ZMIZ1: variants seen among roughly 807,000 people sequenced by gnomAD.
ZMIZ1 encodes zinc finger MIZ-type containing 1.
Under a neutral mutation model 113.9 loss-of-function variants are expected in ZMIZ1, and 17 were observed. That is an observed-to-expected ratio of 0.15 (90% CI 0.10 to 0.22). ZMIZ1 has a LOEUF of 0.22. Among genes scored for constraint, ZMIZ1 ranks in the 10% least tolerant of loss-of-function variants. The pLI, the probability that ZMIZ1 is intolerant of heterozygous loss-of-function variation, is 1.00. For missense variants in ZMIZ1, 1,059 were observed against 1,477.8 expected (o/e 0.72, Z 4.65); for synonymous variants, 607 against 603.1 (o/e 1.01, Z -0.09).
chr10:79,268,572 G>C (rs1851741272), intron 7 of ZMIZ1, among the ~76,000 whole-genome samples: 1 of 152,244 alleles, frequency 6.6e-6, no homozygotes, highest in African/African-American at 2.4e-5. Context: ...TGGCTGCATA[G>C]CATGTGCTAA....
intron 19 of ZMIZ1, 40 bp from the exon 20 acceptor site, chr10:79,305,124 A>T: frequency 6.2e-7 from 1 of 1,612,714 alleles, no homozygotes; most frequent in Non-Finnish European, 8.5e-7. Flanking sequence ...GCAGTTTCTG[A>T]CAGTCCTGGT....
chr10:79,100,043 C>T (rs1369933166), intron 1 of ZMIZ1, among the ~76,000 whole-genome samples: 1 of 152,106 alleles, frequency 6.6e-6, no homozygotes, highest in African/African-American at 2.4e-5. Context: ...CCCTGATGCT[C>T]AGAGCACATC....
chr10:79,173,104 G>A (rs1478550868), intron 4 of ZMIZ1, among the ~76,000 whole-genome samples: 1 of 152,124 alleles, frequency 6.6e-6, no homozygotes, highest in African/African-American at 2.4e-5. Flanking sequence ...CTGGGGCCTG[G>A]GCTGCTCAGG....
chr10:79,167,685 C>T lies in ZMIZ1; in HGVS notation c.-50+5552C>T, dbSNP rs533204800. 8.1e-4 allele frequency among the ~76,000 whole-genome samples: 124 copies of T among 152,318 alleles called. 1 individual carries two copies. The highest frequency in any genetic ancestry group is 1.5e-4 in the Non-Finnish European group (10 of 68,024). ...CCTGTACTTCATGCCGAAACAGCCCCAGACCAAGCAGCTGTCACAGGCTGG... is the reference window on the plus strand; with the variant it reads ...CCTGTACTTCATGCCGAAACAGCCCTAGACCAAGCAGCTGTCACAGGCTGG... On this transcript the variant is annotated intron_variant, in intron 4 of 24. Coordinates refer to ENST00000334512, the MANE Select transcript of ZMIZ1 (RefSeq NM_020338.4).
chr10:79,168,552 C>G (rs1002129002), intron 4 of ZMIZ1, among the ~76,000 whole-genome samples: 3 of 152,218 alleles, frequency 2.0e-5, no homozygotes, highest in African/African-American at 7.2e-5. Context: ...AGGCACCCAG[C>G]TTGTGCACCC....
At chr10:79,182,407 G>A (rs1194532606) in intron 4 of ZMIZ1, among the ~76,000 whole-genome samples, 1 of 152,160 alleles carries the variant, frequency 6.6e-6, no homozygotes, top group African/African-American at 2.4e-5. Flanking sequence ...ACCCCCGAGA[G>A]GGCCTGCTTC....
At chr10:79,286,602 C>G (rs1328741085) in intron 8 of ZMIZ1, among the ~76,000 whole-genome samples, 1 of 152,266 alleles carries the variant, frequency 6.6e-6, no homozygotes, top group Non-Finnish European at 1.5e-5. Context: ...CATATGCCTG[C>G]GTGCATCTTT....
rs192166584 is a variant in ZMIZ1, at chr10:79,119,894, G to A, written c.-227+870G>A. Among the ~76,000 whole-genome samples the A allele has an allele frequency of 3.5e-3, 518 of 147,574 alleles. 1 individual carries two copies. The highest frequency in any genetic ancestry group is 7.5e-3 in the Admixed American group (112 of 14,898). ...CCCTCAAGTTCGTTTTCCTAAGCTT[G>A]TATTAAACACTTACTGTGTGCCAAC... On this transcript the variant is annotated intron_variant, in intron 2 of 24. Transcript: ENST00000334512.
chr10:79,228,117 T>A lies in ZMIZ1; in HGVS notation c.280+11843T>A, dbSNP rs139575424. 1.5e-4 allele frequency among the ~76,000 whole-genome samples: 23 copies of A among 152,322 alleles called. No individual in the cohort carries two copies. In the East Asian group the frequency reaches 2.9e-3, roughly 19 times the overall value. ...TCCCAGCAGCCCAGCTCAAAATTAT[T>A]CAAAGATTGGTAGGAGGAAGAGAAA... On this transcript the variant is annotated intron_variant, in intron 7 of 24. Coordinates refer to ENST00000334512, the MANE Select transcript of ZMIZ1 (RefSeq NM_020338.4).
chr10:79,148,346 C>G (rs1845576717), intron 3 of ZMIZ1, among the ~76,000 whole-genome samples: 1 of 152,216 alleles, frequency 6.6e-6, no homozygotes, highest in Non-Finnish European at 1.5e-5. Flanking sequence ...ACAGGCTCCC[C>G]TGGGTTCTGA....
intron 7 of ZMIZ1, among the ~76,000 whole-genome samples, chr10:79,254,950 A>G (rs1850786922): frequency 6.6e-6 from 1 of 152,216 alleles, no homozygotes; most frequent in Admixed American, 6.5e-5. Context: ...TTGCAGCCTC[A>G]AGGTCTCCCT....
At chr10:79,099,670 G>T (rs1376249051) in intron 1 of ZMIZ1, among the ~76,000 whole-genome samples, 2 of 152,174 alleles carry the variant, frequency 1.3e-5, no homozygotes, top group Non-Finnish European at 2.9e-5. Context: ...GCACTTGTTG[G>T]GTGGTGGAGG....
At chr10:79,181,879 G>T (rs952195678) in intron 4 of ZMIZ1, among the ~76,000 whole-genome samples, 2 of 152,174 alleles carry the variant, frequency 1.3e-5, no homozygotes, top group African/African-American at 4.8e-5. Flanking sequence ...CACAGCCACC[G>T]CCCGGCTCCC....
intron 1 of ZMIZ1, among the ~76,000 whole-genome samples, chr10:79,076,691 C>T (rs764883887): frequency 7.9e-5 from 12 of 152,064 alleles, no homozygotes; most frequent in Non-Finnish European, 1.8e-4. Context: ...AAAATTATCT[C>T]GGCATGATGG....
At chr10:79,301,895 A>T in intron 17 of ZMIZ1, among the ~76,000 whole-genome samples, 1 of 152,118 alleles carries the variant, frequency 6.6e-6, no homozygotes, top group East Asian at 1.9e-4. Context: ...TTATCCAGGG[A>T]GTATTTCAGT....
Position 79,314,165 on chromosome 10 carries a change from G to A in ZMIZ1, c.*1416G>A, listed in dbSNP as rs1193683105. On this transcript the variant is annotated 3_prime_UTR_variant, in exon 25 of 25. Coordinates refer to ENST00000334512, the MANE Select transcript of ZMIZ1 (RefSeq NM_020338.4). Reference sequence around the variant, plus strand: ...TCCCTCCACCGCTTTGCTCCATCTGGCTTACCACTCTCCAGGGCCTCCTGG... The same window carrying A: ...TCCCTCCACCGCTTTGCTCCATCTGACTTACCACTCTCCAGGGCCTCCTGG... 3 of 457,022 alleles carry A rather than the reference G, an allele frequency of 6.6e-6. No homozygotes were observed. The highest frequency in any genetic ancestry group is 4.7e-5 in the Admixed American group (2 of 42,590). 28.3% of individuals were successfully genotyped at this position (457,022 alleles called of 1,614,324 possible). A position where few individuals can be genotyped will look rare whatever the true frequency, so the allele number is the denominator to read the frequency against.
At chr10:79,169,725 A>T (rs1846520812) in intron 4 of ZMIZ1, among the ~76,000 whole-genome samples, 1 of 152,226 alleles carries the variant, frequency 6.6e-6, no homozygotes. Context: ...CAGCCAGGTG[A>T]GTCTGGACAA....
At chr10:79,096,477 A>G (rs1843173223) in intron 1 of ZMIZ1, among the ~76,000 whole-genome samples, 1 of 152,152 alleles carries the variant, frequency 6.6e-6, no homozygotes, top group Admixed American at 6.5e-5. Flanking sequence ...GCGCCACTGC[A>G]CTCCAGCCTG....
At chr10:79,088,718 G>A (rs1842893098) in intron 1 of ZMIZ1, among the ~76,000 whole-genome samples, 1 of 152,190 alleles carries the variant, frequency 6.6e-6, no homozygotes, top group Admixed American at 6.5e-5. Context: ...TGGGACTTGG[G>A]GAAGGTGGGT....
Sources: allele counts gnomAD v4.1 joint callset (sites outside exome capture counted in the v4.1 genomes callset), GRCh38; gene constraint gnomAD v4.1.1; transcripts MANE v1.5; gene names NCBI Gene and HGNC (gene_info 2026-07-23, HGNC 2026-07-21).